EIF2AK4: variants seen among roughly 807,000 people sequenced by gnomAD.
EIF2AK4 encodes eukaryotic translation initiation factor 2 alpha kinase 4.
EIF2AK4 carries 139 observed loss-of-function variants against 211.1 expected under a neutral mutation model. That is an observed-to-expected ratio of 0.66 (90% CI 0.57 to 0.76). The LOEUF (loss-of-function observed/expected upper bound fraction) is 0.76. Ranked by LOEUF, EIF2AK4 falls within the 30% of genes least tolerant of loss-of-function variation. EIF2AK4 has a pLI of 0.00. For synonymous variants in EIF2AK4, 710 were observed against 751.3 expected (o/e 0.94, Z 0.90); for missense variants, 1,664 against 2,043.8 (o/e 0.81, Z 3.58).
chr15:40,001,504 C>T (rs2035090746), intron 21 of EIF2AK4, among the ~76,000 whole-genome samples: 1 of 151,998 alleles, frequency 6.6e-6, no homozygotes, highest in Admixed American at 6.6e-5. Flanking sequence ...GTGGCATGCA[C>T]CTGTAATCCC....
chr15:40,012,701 G>A lies in EIF2AK4; in HGVS notation c.3759+1355G>A, dbSNP rs144231471. Among the ~76,000 whole-genome samples, 33 of 151,554 alleles carry A rather than the reference G, an allele frequency of 2.2e-4. No homozygotes were observed. The East Asian group carries it at 3.7e-3, about 17-fold the overall frequency. ...AAGAAAGTCTTATAAATATACATTC[G>A]GACGTAATAGCCACATTGGTTGTTC... On this transcript the variant is annotated intron_variant, in intron 27 of 38. Transcript: ENST00000263791.
intron 19 of EIF2AK4, among the ~76,000 whole-genome samples, chr15:39,998,269 T>TG (rs1457940871): frequency 2.5e-5 from 3 of 118,382 alleles, no homozygotes; most frequent in South Asian, 2.8e-4. Flanking sequence ...TTTTTTTTTT[T>TG]GTTTTGTTTT....
At chr15:40,008,408 G>A (rs561525782) in intron 25 of EIF2AK4, among the ~76,000 whole-genome samples, 6 of 152,188 alleles carry the variant, frequency 3.9e-5, no homozygotes, top group East Asian at 1.9e-4. Context: ...TTGGGGGATG[G>A]GTATTCTCTG....
At chr15:40,028,104 T>C (rs887650896) in intron 33 of EIF2AK4, among the ~76,000 whole-genome samples, 3 of 150,812 alleles carry the variant, frequency 2.0e-5, no homozygotes, top group African/African-American at 7.3e-5. Flanking sequence ...AGATAGAGTC[T>C]CACTTTTGCC....
Position 39,977,033 on chromosome 15 carries a change from G to A in EIF2AK4, c.2249+189G>A, listed in dbSNP as rs530714024. 1.7e-5 allele frequency: 10 copies of A among 588,904 alleles called. No homozygotes were observed. In the South Asian group the frequency reaches 4.4e-4, roughly 26 times the overall value. The allele number at this position is 588,904 out of a possible 1,614,324, so 36.5% of individuals were successfully genotyped here. ...TGGCGCGTCCTTGGCTGCAACATCCGCCTCCCGGGCCAGCGAATGCCCCCC... is the reference window on the plus strand; with the variant it reads ...TGGCGCGTCCTTGGCTGCAACATCCACCTCCCGGGCCAGCGAATGCCCCCC... On this transcript the variant is annotated intron_variant, in intron 12 of 38. Coordinates refer to ENST00000263791, the MANE Select transcript of EIF2AK4 (RefSeq NM_001013703.4).
chr15:39,934,264 G>T lies in EIF2AK4; in HGVS notation c.69G>T (p.Gln23His), dbSNP rs758007786. The change falls in exon 1 of 39, where the codon CAG (glutamine) becomes CAT (histidine). Residue 23 changes from glutamine (Q) to histidine (H), a missense_variant. This residue lies in a region of EIF2AK4 where 641 missense variants were observed against 729.6 expected (regional missense o/e 0.88). Transcript: ENST00000263791. ...DEPPESYPQR[Q>H]DHELQALEAI... ...CTCCGGAGAGCTACCCGCAACGACA[G>T]GACCACGAGCTACAGGCCCTGGAGG... 9 of 1,611,240 alleles carry T rather than the reference G, an allele frequency of 5.6e-6. No homozygotes were observed. The highest frequency in any genetic ancestry group is 7.6e-6 in the Non-Finnish European group (9 of 1,178,890).
chr15:39,996,180 T>C (rs1292349171), intron 18 of EIF2AK4, among the ~76,000 whole-genome samples: 3 of 152,230 alleles, frequency 2.0e-5, no homozygotes, highest in African/African-American at 7.2e-5. Flanking sequence ...TTGTCACAAA[T>C]GGCAAGATTC....
Position 39,990,461 on chromosome 15 carries a change from G to A in EIF2AK4, c.2631+84G>A, listed in dbSNP as rs187309078. 3.1e-4 allele frequency: 358 copies of A among 1,159,820 alleles called. 1 individual carries two copies. In the African/African-American group the frequency reaches 5.0e-3, roughly 16 times the overall value. The allele number at this position is 1,159,820 out of a possible 1,614,324, so 71.8% of individuals were successfully genotyped here. On this transcript the variant is annotated intron_variant, in intron 16 of 38. Transcript: ENST00000263791. ...TGGAAGTGTTAGCGGATAGAATAGTGCGTTCACAGAACTATGCCGTCTAAT... is the reference window on the plus strand; with the variant it reads ...TGGAAGTGTTAGCGGATAGAATAGTACGTTCACAGAACTATGCCGTCTAAT...
chr15:40,030,637 C>T (rs2035528991), intron 35 of EIF2AK4, among the ~76,000 whole-genome samples, 181 bp downstream of exon 35: 1 of 152,200 alleles, frequency 6.6e-6, no homozygotes, highest in South Asian at 2.1e-4. Context: ...ATCTGTCCTT[C>T]AGAGAGGGGC....
intron 12 of EIF2AK4, chr15:39,977,730 T>C (rs1466512660): frequency 6.0e-6 from 1 of 165,684 alleles, no homozygotes; most frequent in Non-Finnish European, 1.3e-5. Flanking sequence ...CCCCCAAAGG[T>C]ACCAAACCAA....
intron 4 of EIF2AK4, 58 bp from the exon 5 acceptor site, chr15:39,953,846 T>C: frequency 6.5e-7 from 1 of 1,528,922 alleles, no homozygotes; most frequent in East Asian, 2.3e-5. Context: ...AGTTCCATAA[T>C]TTATATGTTG....
intron 23 of EIF2AK4, among the ~76,000 whole-genome samples, chr15:40,005,374 A>G (rs2035146076): frequency 6.6e-6 from 1 of 151,806 alleles, no homozygotes; most frequent in Non-Finnish European, 1.5e-5. Flanking sequence ...TTTTTTTAAA[A>G]AAATTGTGTG....
chr15:40,009,020 A>C (rs773636917), intron 25 of EIF2AK4, among the ~76,000 whole-genome samples: 1 of 152,126 alleles, frequency 6.6e-6, no homozygotes, highest in Non-Finnish European at 1.5e-5. Context: ...CTGTCTTTGA[A>C]ATCAACTCTC....
Position 40,017,551 on chromosome 15 carries a change from A to ATATATGTATGTATG in EIF2AK4, c.4065+312_4065+313insATGTATGTATGTAT, listed in dbSNP as rs71132134. 8.8e-4 allele frequency among the ~76,000 whole-genome samples: 76 copies of ATATATGTATGTATG among 86,846 alleles called. 1 individual carries two copies. Among genetic ancestry groups the ATATATGTATGTATG allele is most frequent in the Non-Finnish European group, 1.4e-3 (59 of 43,352 alleles). The allele number at this position is 86,846 out of a possible 152,430, so 57.0% of individuals were successfully genotyped here. A position where few individuals can be genotyped will look rare whatever the true frequency, so the allele number is the denominator to read the frequency against. ...TATATATATATATATATATATATATATATGTATTTTGGAGACAGGGCCTTG... is the reference window on the plus strand; with the variant it reads ...TATATATATATATATATATATATATATATATGTATGTATGTATGTATTTTGGAGACAGGGCCTTG... On this transcript the variant is annotated intron_variant, in intron 29 of 38. Coordinates refer to ENST00000263791, the MANE Select transcript of EIF2AK4 (RefSeq NM_001013703.4).
At chr15:39,960,283 T>C (rs1356988023) in intron 6 of EIF2AK4, among the ~76,000 whole-genome samples, 1 of 151,630 alleles carries the variant, frequency 6.6e-6, no homozygotes, top group Non-Finnish European at 1.5e-5. Context: ...ATGTGTAGGA[T>C]TGGAAGCAGA....
intron 13 of EIF2AK4, among the ~76,000 whole-genome samples, chr15:39,980,717 C>T (rs2034770309): frequency 6.6e-6 from 1 of 152,138 alleles, no homozygotes; most frequent in Admixed American, 6.5e-5. Flanking sequence ...GAGGCAGGGT[C>T]TCCATCTGTC....
intron 2 of EIF2AK4, among the ~76,000 whole-genome samples, chr15:39,942,677 G>A (rs78688221): frequency 6.6e-6 from 1 of 152,198 alleles, no homozygotes; most frequent in Non-Finnish European, 1.5e-5. Context: ...TAATGTCCTT[G>A]AGTTGAAAGT....
At chr15:39,946,594 G>A (rs2034230888) in intron 3 of EIF2AK4, 1 of 701,534 alleles carries the variant, frequency 1.4e-6, no homozygotes, top group African/African-American at 1.7e-5. Context: ...AGCAGCAGCA[G>A]GGTTGGAGAG....
At chr15:39,973,833 T>A in intron 11 of EIF2AK4, 84 bp downstream of exon 11, 1 of 1,510,172 alleles carries the variant, frequency 6.6e-7, no homozygotes, top group East Asian at 2.3e-5. Context: ...TTACTTTTAT[T>A]TTGGGAGTGG....
Sources: gnomAD v4.1 joint callset for allele counts (sites outside exome capture counted in the v4.1 genomes callset) on GRCh38, gnomAD v4.1.1 for gene constraint, gnomAD v4.1.1 regional missense constraint, MANE v1.5 for transcripts, NCBI Gene and HGNC (gene_info 2026-07-23, HGNC 2026-07-21) for gene names.